LPP: variants seen among roughly 807,000 people sequenced by gnomAD.
LPP encodes the protein LIM domain containing preferred translocation partner in lipoma, also known as lipoma-preferred partner.
Under a neutral mutation model 60.4 loss-of-function variants are expected in LPP, and 38 were observed. The ratio of observed to expected loss-of-function variants is 0.63; its 90% CI spans 0.49 to 0.83. The LOEUF (loss-of-function observed/expected upper bound fraction) is 0.83. Ranked by LOEUF, LPP falls within the 40% of genes least tolerant of loss-of-function variation. The pLI is 0.00. For synonymous variants in LPP, 328 were observed against 290.8 expected, an observed-to-expected ratio of 1.13 and a Z score of -1.30; for missense variants, 902 against 783.6, an observed-to-expected ratio of 1.15 and a Z score of -1.80.
At chr3:188,444,975 T>C (rs1794873398) in intron 4 of LPP, among the ~76,000 whole-genome samples, 2 of 152,158 alleles carry the variant, frequency 1.3e-5, no homozygotes, top group Admixed American at 1.3e-4. Context: ...ATCATTAAAA[T>C]GTCAGGAAAC....
chr3:188,746,180 G>T (rs1365942448), intron 8 of LPP, among the ~76,000 whole-genome samples: 1 of 152,054 alleles, frequency 6.6e-6, no homozygotes, highest in Non-Finnish European at 1.5e-5. Context: ...GCACTCCCTA[G>T]TCACCTGTCA....
rs1770715440 is a variant in LPP at position 188,886,729 on chromosome 3, C to CAT, written c.*12251_*12252insTA. On this transcript the variant is annotated 3_prime_UTR_variant, in exon 12 of 12. Coordinates refer to ENST00000617246, the MANE Select transcript of LPP (RefSeq NM_001375462.1). ...TTGTATTGTCTTCAAAACACACACA[C>CAT]ACACACATACACACACACACACACA... 7.2e-6 allele frequency: 1 copy of CAT among 138,028 alleles called. No homozygotes were observed. The highest frequency in any genetic ancestry group is 1.3e-5 in the Non-Finnish European group (1 of 78,208). 8.6% of individuals were successfully genotyped at this position (138,028 alleles called of 1,614,324 possible).
At chr3:188,455,425 G>A (rs1797516760) in intron 4 of LPP, among the ~76,000 whole-genome samples, 1 of 152,192 alleles carries the variant, frequency 6.6e-6, no homozygotes. Flanking sequence ...ACACATCCCT[G>A]ATAATAGGGT....
intron 9 of LPP, among the ~76,000 whole-genome samples, chr3:188,811,190 T>C (rs1052083594): frequency 9.9e-5 from 15 of 152,076 alleles, no homozygotes; most frequent in African/African-American, 3.1e-4. Flanking sequence ...TAAGTGGCCA[T>C]AGGATATCAT....
chr3:188,169,301 T>A (rs1720890647), intron 1 of LPP, among the ~76,000 whole-genome samples: 1 of 152,306 alleles, frequency 6.6e-6, no homozygotes, highest in African/African-American at 2.4e-5. Flanking sequence ...ATGAGAGGAT[T>A]GGGTTTAGTT....
chr3:188,292,712 C>T (rs763678947), intron 2 of LPP, among the ~76,000 whole-genome samples: 1 of 152,158 alleles, frequency 6.6e-6, no homozygotes, highest in Non-Finnish European at 1.5e-5. Flanking sequence ...CTTTTATTTA[C>T]ACTACATGGT....
Position 188,823,447 on chromosome 3 carries a change from G to A in LPP, c.1411-42753G>A, listed in dbSNP as rs546030795. Among the ~76,000 whole-genome samples, 33 of 152,074 alleles carry A rather than the reference G, an allele frequency of 2.2e-4. 1 individual carries two copies. In the South Asian group the frequency reaches 6.4e-3, roughly 30 times the overall value. ...GGATGGAAAGTTGGCATCCCAGTTC[G>A]GAACCAATTTTTATTGGGCACAGAC... On this transcript the variant is annotated intron_variant, in intron 9 of 11. Transcript: ENST00000617246.
Position 188,874,700 on chromosome 3 carries a change from G to T in LPP, c.*221G>T. ...GATCTTGATGGGCCTTTGTTCCCAAGGACTTCCACATTTTTGCACAGATTA... is the reference window on the plus strand; with the variant it reads ...GATCTTGATGGGCCTTTGTTCCCAATGACTTCCACATTTTTGCACAGATTA... On this transcript the variant is annotated 3_prime_UTR_variant, in exon 12 of 12. Transcript: ENST00000617246. 2.1e-6 allele frequency: 1 copy of T among 486,886 alleles called. No homozygotes were observed. Among genetic ancestry groups the T allele is most frequent in the South Asian group, 3.7e-5 (1 of 27,364 alleles). The allele number at this position is 486,886 out of a possible 1,614,324, so 30.2% of individuals were successfully genotyped here. A position where few individuals can be genotyped will look rare whatever the true frequency, so the allele number is the denominator to read the frequency against.
intron 9 of LPP, among the ~76,000 whole-genome samples, chr3:188,833,717 A>G (rs1191525574): frequency 6.6e-6 from 1 of 152,062 alleles, no homozygotes. Context: ...TTTTCTTTAG[A>G]GTTTCCCTAC....
chr3:188,584,656 T>C lies in LPP; in HGVS notation c.430-24505T>C, dbSNP rs377454951. ...TGTTTTTTTACTTATTGGCATGGCT[T>C]ATTCCTCATGCTGTATATCTAAATT... On this transcript the variant is annotated intron_variant, in intron 6 of 11. Coordinates refer to ENST00000617246, the MANE Select transcript of LPP (RefSeq NM_001375462.1). 9.2e-5 allele frequency among the ~76,000 whole-genome samples: 14 copies of C among 152,142 alleles called. No homozygotes were observed. The East Asian group carries it at 2.3e-3, about 25-fold the overall frequency.
intron 2 of LPP, among the ~76,000 whole-genome samples, chr3:188,235,762 T>C (rs1220668946): frequency 6.6e-6 from 1 of 152,184 alleles, no homozygotes; most frequent in African/African-American, 2.4e-5. Flanking sequence ...GGAAGTCTCT[T>C]CTTTAGGCCT....
chr3:188,678,474 TA>T (rs1336884747), intron 7 of LPP, among the ~76,000 whole-genome samples: 1 of 152,246 alleles, frequency 6.6e-6, no homozygotes, highest in African/African-American at 2.4e-5. Context: ...GCATATGTTG[TA>T]TATTTCTGCC....
At chr3:188,560,958 G>C (rs1330483540) in intron 6 of LPP, among the ~76,000 whole-genome samples, 1 of 152,060 alleles carries the variant, frequency 6.6e-6, no homozygotes, top group Non-Finnish European at 1.5e-5. Context: ...GTTCTCAGGA[G>C]TCCCACAGTA....
intron 8 of LPP, among the ~76,000 whole-genome samples, chr3:188,726,458 A>G (rs56146114): frequency 0.22 from 33,998 of 152,144 alleles, 4,780 homozygotes; most frequent in Middle Eastern, 0.46. Context: ...CACTGTTCTA[A>G]GCATTGGTGC....
chr3:188,356,083 T>C (rs1767523518), intron 3 of LPP, among the ~76,000 whole-genome samples: 1 of 152,238 alleles, frequency 6.6e-6, no homozygotes, highest in Non-Finnish European at 1.5e-5. Context: ...CTTTAACTTA[T>C]AGCGCGGATG....
At chr3:188,584,632 G>T (rs1451716672) in intron 6 of LPP, 1 of 149,658 alleles carries the variant, frequency 6.7e-6, no homozygotes, top group South Asian at 2.1e-4. Context: ...TTTAAATTAT[G>T]TTTTTTTACT....
chr3:188,585,296 T>A (rs752172984), intron 6 of LPP, among the ~76,000 whole-genome samples: 6 of 152,228 alleles, frequency 3.9e-5, no homozygotes, highest in Non-Finnish European at 7.3e-5. Context: ...AAATGCACTG[T>A]CTTAACCCTC....
intron 3 of LPP, among the ~76,000 whole-genome samples, chr3:188,403,912 T>C (rs558814950): frequency 5.4e-4 from 82 of 152,260 alleles, no homozygotes; most frequent in African/African-American, 2.0e-3. Context: ...TGTGTATATA[T>C]GAATATGTAA....
chr3:188,360,297 T>C (rs1768895449), intron 3 of LPP, among the ~76,000 whole-genome samples: 1 of 152,192 alleles, frequency 6.6e-6, no homozygotes, highest in Non-Finnish European at 1.5e-5. Flanking sequence ...ATCCTGAAAC[T>C]GTCATTCTGT....
Sources: allele counts gnomAD v4.1 joint callset (sites outside exome capture counted in the v4.1 genomes callset), GRCh38; gene constraint gnomAD v4.1.1; transcripts MANE v1.5; gene names NCBI Gene and HGNC (gene_info 2026-07-23, HGNC 2026-07-21).